The following ACACA variants were observed in gnomAD, a reference collection of about 807,000 sequenced individuals.
The protein encoded by ACACA is acetyl-CoA carboxylase 1.
In ACACA, 103 loss-of-function variants were observed where a neutral mutation model predicts 296.1. The observed-to-expected ratio is 0.35, with a 90% CI of 0.30 to 0.41. The LOEUF (loss-of-function observed/expected upper bound fraction) is 0.41, where lower values mean the gene tolerates loss of function less well. Ranked by LOEUF, ACACA falls within the 10% of genes least tolerant of loss-of-function variation. ACACA has a pLI of 1.00. For synonymous variants in ACACA, 953 were observed against 1,038.6 expected, an observed-to-expected ratio of 0.92 and a Z score of 1.58; for missense variants, 1,554 against 2,989.7, an observed-to-expected ratio of 0.52 and a Z score of 11.20.
intron 41 of ACACA, among the ~76,000 whole-genome samples, chr17:37,162,350 T>C (rs1337471255): frequency 6.6e-6 from 1 of 152,218 alleles, no homozygotes; most frequent in Non-Finnish European, 1.5e-5. Flanking sequence ...AAGAATGCCA[T>C]GGCACTGTTG....
At chr17:37,162,597 C>G in intron 41 of ACACA, 1 of 260,304 alleles carries the variant, frequency 3.8e-6, no homozygotes, top group Non-Finnish European at 7.5e-6. Context: ...TGGGTGAAAG[C>G]AAGCATGAAG....
intron 50 of ACACA, among the ~76,000 whole-genome samples, chr17:37,116,847 G>A (rs2074280736): frequency 2.0e-5 from 3 of 152,176 alleles, no homozygotes; most frequent in Non-Finnish European, 4.4e-5. Context: ...GGGGAGGGGC[G>A]ATCCCCAAGG....
At chr17:37,194,458 T>C (rs181145332) in intron 35 of ACACA, among the ~76,000 whole-genome samples, 44 of 152,292 alleles carry the variant, frequency 2.9e-4, no homozygotes, top group Non-Finnish European at 2.9e-4. Flanking sequence ...CTCAAGTATA[T>C]GCTCAGAATC....
At chr17:37,373,508 C>T (rs1014097881) in intron 1 of ACACA, among the ~76,000 whole-genome samples, 2 of 152,086 alleles carry the variant, frequency 1.3e-5, no homozygotes, top group Non-Finnish European at 1.5e-5. Context: ...GGCCTCCCAA[C>T]GTGCTGGGAT....
chr17:37,359,180 TC>T, intron 1 of ACACA: 12 of 961,364 alleles, frequency 1.2e-5, no homozygotes, highest in Non-Finnish European at 1.5e-5. Context: ...CGCCCCTGTC[TC>T]CCACCTCAGC....
chr17:37,187,052 G>A (rs1181023409), intron 39 of ACACA, among the ~76,000 whole-genome samples: 2 of 151,954 alleles, frequency 1.3e-5, no homozygotes, highest in Non-Finnish European at 2.9e-5. Flanking sequence ...TGAAAGCTTT[G>A]ACTGAAAATG....
At chr17:37,131,797 T>C (rs1333420287) in intron 45 of ACACA, among the ~76,000 whole-genome samples, 2 of 152,220 alleles carry the variant, frequency 1.3e-5, no homozygotes, top group Non-Finnish European at 1.5e-5. Context: ...CTGAAAGGAA[T>C]ATGGAAAGCA....
intron 1 of ACACA, among the ~76,000 whole-genome samples, chr17:37,405,195 C>G (rs1284124634): frequency 6.6e-6 from 1 of 152,122 alleles, no homozygotes; most frequent in Non-Finnish European, 1.5e-5. Context: ...CCTTATCTAC[C>G]CTAACTAAGA....
At chr17:37,244,177 G>A (rs952928977) in intron 21 of ACACA, among the ~76,000 whole-genome samples, 5 of 151,022 alleles carry the variant, frequency 3.3e-5, no homozygotes, top group Admixed American at 1.3e-4. Flanking sequence ...TCTGGCCAAC[G>A]TGGTGAAACC....
chr17:37,206,857 A>G lies in ACACA; in HGVS notation c.3874T>C (p.Cys1292Arg). 1 of 1,613,720 alleles carries G rather than the reference A, an allele frequency of 6.2e-7. No homozygotes were observed. Among genetic ancestry groups the G allele is most frequent in the Non-Finnish European group, 8.5e-7 (1 of 1,179,612 alleles). ...CTCTGGGGTGGGGAGTCAGAGAAGCAGCCCATCACTTCATCAAAGATCCTA... is the reference window on the plus strand; with the variant it reads ...CTCTGGGGTGGGGAGTCAGAGAAGCGGCCCATCACTTCATCAAAGATCCTA... ...FVRIFDEVMG[C>R]FSDSPPQSPT... is the part of the protein sequence containing the mutation. Residue 1292 changes from cysteine (C) to arginine (R), a missense_variant, in exon 32 of 56, where the codon TGC becomes CGC. This residue lies in a region of ACACA where 179 missense variants were observed against 283.2 expected (regional missense o/e 0.63). Coordinates refer to ENST00000616317, the MANE Select transcript of ACACA (RefSeq NM_198834.3).
At chr17:37,337,247 TA>T (rs200312320) in intron 2 of ACACA, among the ~76,000 whole-genome samples, 2 of 151,384 alleles carry the variant, frequency 1.3e-5, no homozygotes, top group Non-Finnish European at 3.0e-5. Flanking sequence ...ATCCCATCCC[TA>T]AAAAAAAATT....
At position 37,089,186 on chromosome 17, in the gene ACACA, G is replaced by A. The variant is rs529188365; in HGVS notation, c.6892-112C>T. The A allele has an allele frequency of 1.6e-5, 24 of 1,476,426 alleles. 1 individual carries two copies. The highest frequency in any genetic ancestry group is 2.2e-5 in the Non-Finnish European group (23 of 1,063,782). The allele number at this position is 1,476,426 out of a possible 1,614,324, so 91.5% of individuals were successfully genotyped here. ...CTCCAAAAGTGTGCTCCGTGTCCAC[G>A]ATTCTCCTTCACTGTCAGCATCGTG... is the stretch of plus-strand genomic sequence containing the variant. On this transcript the variant is annotated intron_variant, in intron 54 of 55. Coordinates refer to ENST00000616317, the MANE Select transcript of ACACA (RefSeq NM_198834.3).
chr17:37,339,029 A>C (rs549460374), intron 2 of ACACA, among the ~76,000 whole-genome samples: 2 of 151,724 alleles, frequency 1.3e-5, no homozygotes, highest in Admixed American at 1.3e-4. Flanking sequence ...GAGGGAAGGG[A>C]AAGTTCCAAC....
At chr17:37,182,439 T>A (rs2144897965) in intron 39 of ACACA, among the ~76,000 whole-genome samples, 1 of 152,276 alleles carries the variant, frequency 6.6e-6, no homozygotes, top group Non-Finnish European at 1.5e-5. Flanking sequence ...TATTGTCACA[T>A]AATGAAATCA....
intron 34 of ACACA, 85 bp from the exon 35 acceptor site, chr17:37,200,268 G>T: frequency 2.2e-6 from 3 of 1,391,048 alleles, no homozygotes; most frequent in Admixed American, 1.7e-5. Flanking sequence ...AGTAAAAGAT[G>T]ATGAGTTAAA....
At chr17:37,322,713 A>G (rs1390524291) in intron 3 of ACACA, among the ~76,000 whole-genome samples, 3 of 152,288 alleles carry the variant, frequency 2.0e-5, no homozygotes, top group African/African-American at 7.2e-5. Flanking sequence ...AGGCCAGCAG[A>G]CTTGCAATGG....
At chr17:37,311,278 A>G (rs113716696) in intron 3 of ACACA, among the ~76,000 whole-genome samples, 6 of 152,182 alleles carry the variant, frequency 3.9e-5, no homozygotes, top group Non-Finnish European at 8.8e-5. Context: ...AAGGCCTTCT[A>G]TAAAGATGGA....
intron 10 of ACACA, among the ~76,000 whole-genome samples, chr17:37,268,745 A>C (rs948046152): frequency 0.013 from 1,442 of 112,920 alleles, 13 homozygotes; most frequent in South Asian, 0.03. Context: ...ATCTATCTAT[A>C]TATATATATA....
intron 25 of ACACA, 61 bp downstream of exon 25, chr17:37,234,914 G>GA (rs1478450068): frequency 6.9e-6 from 11 of 1,598,282 alleles, no homozygotes; most frequent in Non-Finnish European, 9.4e-6. Flanking sequence ...CCATCAAAAG[G>GA]AAAAAAATAC....
Sources: allele counts gnomAD v4.1 joint callset (sites outside exome capture counted in the v4.1 genomes callset), GRCh38; gene constraint gnomAD v4.1.1; regional missense constraint gnomAD v4.1.1; transcripts MANE v1.5; gene names NCBI Gene and HGNC (gene_info 2026-07-23, HGNC 2026-07-21).